GALNT8: variants seen among roughly 807,000 people sequenced by gnomAD.
GALNT8 encodes probable polypeptide N-acetylgalactosaminyltransferase 8.
GALNT8 carries 66 observed loss-of-function variants against 62.7 expected under a neutral mutation model. That is an observed-to-expected ratio of 1.05 (90% CI 0.86 to 1.29). GALNT8 has a LOEUF of 1.29. GALNT8 is among the 50% of genes most tolerant of loss of function. GALNT8 has a pLI of 0.00. For missense variants in GALNT8, 771 were observed against 791.8 expected (o/e 0.97, Z 0.32); for synonymous variants, 288 against 294.3 (o/e 0.98, Z 0.22).
At chr12:4,765,735 T>C (rs565640093) in intron 10 of GALNT8, among the ~76,000 whole-genome samples, 189 bp downstream of exon 10, 3 of 152,154 alleles carry the variant, frequency 2.0e-5, no homozygotes, top group Non-Finnish European at 4.4e-5. Flanking sequence ...TGCCAACCAT[T>C]CTAACCTACA....
At chr12:4,721,046 G>A (rs1946165577) in intron 1 of GALNT8, among the ~76,000 whole-genome samples, 158 bp downstream of exon 1, 1 of 152,160 alleles carries the variant, frequency 6.6e-6, no homozygotes, top group Admixed American at 6.5e-5. Flanking sequence ...CCTTCAAATG[G>A]GAGATGGGTA....
At chr12:4,747,319 T>C (rs867745018) in intron 6 of GALNT8, among the ~76,000 whole-genome samples, 4 of 152,206 alleles carry the variant, frequency 2.6e-5, no homozygotes, top group African/African-American at 9.6e-5. Context: ...ATTTGTCTTA[T>C]TCATTCTTTG....
intron 3 of GALNT8, among the ~76,000 whole-genome samples, chr12:4,741,914 C>A (rs1946274079): frequency 6.6e-6 from 1 of 152,146 alleles, no homozygotes; most frequent in African/African-American, 2.4e-5. Context: ...CACGAAAACA[C>A]CAGCCAAATT....
intron 1 of GALNT8, among the ~76,000 whole-genome samples, chr12:4,725,612 G>C (rs1490746609): frequency 7.0e-6 from 1 of 142,190 alleles, no homozygotes; most frequent in Non-Finnish European, 1.5e-5. Flanking sequence ...CTGGAGTGCA[G>C]TGGCACAATC....
chr12:4,730,822 G>A (rs890542395), intron 2 of GALNT8, among the ~76,000 whole-genome samples: 6 of 150,740 alleles, frequency 4.0e-5, no homozygotes, highest in African/African-American at 7.3e-5. Flanking sequence ...CATTTTAACA[G>A]TATTAATTCT....
At chr12:4,769,459 A>G (rs1439279402) in intron 10 of GALNT8, among the ~76,000 whole-genome samples, 3 of 152,256 alleles carry the variant, frequency 2.0e-5, no homozygotes, top group African/African-American at 4.8e-5. Flanking sequence ...TGTAGAAAAT[A>G]TCTTAATACT....
chr12:4,747,968 C>T (rs1007145018), intron 6 of GALNT8, among the ~76,000 whole-genome samples: 6 of 152,144 alleles, frequency 3.9e-5, no homozygotes, highest in African/African-American at 1.2e-4. Flanking sequence ...CTCTGATGAT[C>T]AGTGATGTTG....
At chr12:4,721,932 G>A (rs1475906943) in intron 1 of GALNT8, among the ~76,000 whole-genome samples, 1 of 152,022 alleles carries the variant, frequency 6.6e-6, no homozygotes, top group African/African-American at 2.4e-5. Flanking sequence ...CTGGGTACTT[G>A]AGATTAGGGA....
chr12:4,744,582 A>C lies in GALNT8; in HGVS notation c.742A>C (p.Lys248Gln), dbSNP rs774144132. 1 of 1,613,022 alleles carries C rather than the reference A, an allele frequency of 6.2e-7. No individual in the cohort carries two copies. Among genetic ancestry groups the C allele is most frequent in the South Asian group, 1.1e-5 (1 of 91,046 alleles). ...CAACCAGAAGTATCCAGGACTACTGAAAATAATACGGCATCCTGAAAGGAA... is the reference window on the plus strand; with the variant it reads ...CAACCAGAAGTATCCAGGACTACTGCAAATAATACGGCATCCTGAAAGGAA... ...LYNQKYPGLL[K>Q]IIRHPERKGL... is the part of the protein sequence containing the mutation. Residue 248 changes from lysine to glutamine, a missense_variant, in exon 4 of 11, where the codon AAA becomes CAA. Physicochemically the swap from Lys to Gln is moderately conservative, Grantham distance 53. Transcript: ENST00000252318.
At chr12:4,754,297 T>A (rs192526750) in intron 6 of GALNT8, among the ~76,000 whole-genome samples, 35 of 152,126 alleles carry the variant, frequency 2.3e-4, no homozygotes, top group Non-Finnish European at 3.5e-4. Context: ...CGTGTGTTCC[T>A]CCAGGTCCCA....
At chr12:4,734,765 C>T (rs1329239025) in intron 2 of GALNT8, among the ~76,000 whole-genome samples, 2 of 152,066 alleles carry the variant, frequency 1.3e-5, no homozygotes, top group Admixed American at 6.6e-5. Flanking sequence ...ATGTCCAGCC[C>T]CTCTGGTCTG....
chr12:4,771,301 G>C (rs1217509532), intron 10 of GALNT8, among the ~76,000 whole-genome samples: 1 of 152,192 alleles, frequency 6.6e-6, no homozygotes, highest in Non-Finnish European at 1.5e-5. Flanking sequence ...GAGAGGAGTG[G>C]TGGCAGTGGT....
At chr12:4,758,637 TGAGAGA>T (rs60343127) in intron 6 of GALNT8, among the ~76,000 whole-genome samples, 108 of 59,726 alleles carry the variant, frequency 1.8e-3, no homozygotes, top group Non-Finnish European at 2.3e-3. Flanking sequence ...TGTGTGTGTG[TGAGAGA>T]GAGAGAGAGA....
chr12:4,770,655 T>C (rs1946420088), intron 10 of GALNT8, among the ~76,000 whole-genome samples: 1 of 152,184 alleles, frequency 6.6e-6, no homozygotes, highest in Non-Finnish European at 1.5e-5. Context: ...ATCTCACCCA[T>C]GAAGTAACTG....
rs766264335 is a variant in GALNT8 at position 4,761,083 on chromosome 12, C to T, written c.1299C>T (p.Ala433=). ...AALKRNALRV[A]EIWMDEHKHM... ...TGAAGCGCAATGCTCTGCGAGTGGC[C>T]GAAATCTGGATGGATGAGCACAAAC... The change falls in exon 7 of 11, where the codon GCC becomes GCT. Residue 433 remains alanine, a synonymous_variant. Coordinates refer to ENST00000252318, the MANE Select transcript of GALNT8 (RefSeq NM_017417.2). 44 of 1,613,998 alleles carry T rather than the reference C, an allele frequency of 2.7e-5. No individual in the cohort carries two copies. Among genetic ancestry groups the T allele is most frequent in the Non-Finnish European group, 3.3e-5 (39 of 1,179,996 alleles).
intron 7 of GALNT8, 40 bp from the exon 8 acceptor site, chr12:4,763,213 A>G: frequency 1.3e-6 from 2 of 1,583,400 alleles, no homozygotes; most frequent in South Asian, 1.1e-5. Flanking sequence ...CAGAGCTTTC[A>G]TGAATCAAAG....
chr12:4,761,608 CTT>C lies in GALNT8; in HGVS notation c.1359+470_1359+471del, dbSNP rs928202215. Among the ~76,000 whole-genome samples the C allele has an allele frequency of 1.0e-4, 13 of 128,200 alleles. 1 individual carries two copies. The highest frequency in any genetic ancestry group is 3.5e-5 in the Non-Finnish European group (2 of 57,966). The allele number at this position is 128,200 out of a possible 152,430, so 84.1% of individuals were successfully genotyped here. ...GATGCACAAGAATGAGGATAGCATT[CTT>C]TTTTAAGTTTTTTTTTTGGTACAGA... is the stretch of plus-strand genomic sequence containing the variant. On this transcript the variant is annotated intron_variant, in intron 7 of 10. Transcript: ENST00000252318.
Position 4,726,442 on chromosome 12 carries a change from T to G in GALNT8, c.212-90T>G. The G allele has an allele frequency of 8.0e-6, 7 of 871,856 alleles. 1 individual carries two copies. In the South Asian group the frequency reaches 1.2e-4, roughly 15 times the overall value. 54.0% of individuals were successfully genotyped at this position (871,856 alleles called of 1,614,324 possible). A position where few individuals can be genotyped will look rare whatever the true frequency, so the allele number is the denominator to read the frequency against. ...GTTTTAAGATGTAGTGGGTAAACCGTTAGAGGAAATTAGGATGGAAAGGAA... is the reference window on the plus strand; with the variant it reads ...GTTTTAAGATGTAGTGGGTAAACCGGTAGAGGAAATTAGGATGGAAAGGAA... On this transcript the variant is annotated intron_variant, in intron 1 of 10. Coordinates refer to ENST00000252318, the MANE Select transcript of GALNT8 (RefSeq NM_017417.2). The surrounding 1 kb of genome is among the most constrained non-coding windows in gnomAD (Gnocchi z 4.1).
At chr12:4,765,578 T>TTGTTA in intron 10 of GALNT8, 32 bp downstream of exon 10, 2 of 1,463,722 alleles carry the variant, frequency 1.4e-6, no homozygotes, top group Non-Finnish European at 1.9e-6. Context: ...GTTGGTTTGT[T>TTGTTA]TGTTTTGTTT....
Sources: gnomAD v4.1 joint callset for allele counts (sites outside exome capture counted in the v4.1 genomes callset) on GRCh38, gnomAD v4.1.1 for gene constraint, Gnocchi (gnomAD v3.1) non-coding constraint, MANE v1.5 for transcripts, NCBI Gene and HGNC (gene_info 2026-07-23, HGNC 2026-07-21) for gene names.